Variants in FER observed in about 807,000 individuals in gnomAD.
FER encodes the protein FER tyrosine kinase.
Under a neutral mutation model 111.0 loss-of-function variants are expected in FER, and 63 were observed. That is an observed-to-expected ratio of 0.57 (90% CI 0.46 to 0.70). The LOEUF (loss-of-function observed/expected upper bound fraction) is 0.70. Among genes scored for constraint, FER ranks in the 30% least tolerant of loss-of-function variants. FER has a pLI of 0.00. For synonymous variants in FER, 327 were observed against 313.9 expected, an observed-to-expected ratio of 1.04 and a Z score of -0.44; for missense variants, 914 against 954.0, an observed-to-expected ratio of 0.96 and a Z score of 0.55.
At chr5:109,046,532 GA>G (rs2149909385) in intron 15 of FER, among the ~76,000 whole-genome samples, 2 of 152,142 alleles carry the variant, frequency 1.3e-5, no homozygotes, top group East Asian at 3.9e-4. Context: ...ATTTTTAAAA[GA>G]ATATTAAATT....
chr5:108,807,003 G>A (rs1757277174), intron 3 of FER, among the ~76,000 whole-genome samples: 1 of 152,118 alleles, frequency 6.6e-6, no homozygotes, highest in South Asian at 2.1e-4. Context: ...ATCTCATATT[G>A]AATTTTAACT....
chr5:108,940,491 G>A (rs920377818), intron 10 of FER, among the ~76,000 whole-genome samples: 1 of 152,042 alleles, frequency 6.6e-6, no homozygotes, highest in Non-Finnish European at 1.5e-5. Context: ...AAGGACAGAA[G>A]TAAACCTAAA....
At chr5:109,021,462 C>T (rs531459924) in intron 13 of FER, among the ~76,000 whole-genome samples, 1 of 151,958 alleles carries the variant, frequency 6.6e-6, no homozygotes, top group Non-Finnish European at 1.5e-5. Flanking sequence ...TTGCTTTTTT[C>T]ATTTTTAGTA....
intron 3 of FER, among the ~76,000 whole-genome samples, chr5:108,812,968 A>C: frequency 6.6e-6 from 1 of 152,248 alleles, no homozygotes; most frequent in Non-Finnish European, 1.5e-5. Flanking sequence ...TTAAATAATA[A>C]GTACATAATT....
chr5:109,121,602 C>T (rs1005443799), intron 17 of FER, among the ~76,000 whole-genome samples: 1 of 152,028 alleles, frequency 6.6e-6, no homozygotes, highest in South Asian at 2.1e-4. Context: ...TAATAGTGGC[C>T]TCATGGAATG....
At position 109,179,886 on chromosome 5, in the gene FER, T is replaced by C. The variant is rs149121657; in HGVS notation, c.2049-861T>C. Among the ~76,000 whole-genome samples, 10 of 152,224 alleles carry C rather than the reference T, an allele frequency of 6.6e-5. No homozygotes were observed. In the East Asian group the frequency reaches 1.9e-3, roughly 29 times the overall value. On this transcript the variant is annotated intron_variant, in intron 17 of 19. Coordinates refer to ENST00000281092, the MANE Select transcript of FER (RefSeq NM_005246.4). ...AGGGATGGCTGTATATGAATTTGGT[T>C]ATTGAATGTCCTCCCCACCAGAAAT...
chr5:109,046,681 G>A (rs911765021), intron 15 of FER, among the ~76,000 whole-genome samples: 4 of 152,074 alleles, frequency 2.6e-5, no homozygotes, highest in Admixed American at 6.6e-5. Flanking sequence ...AAATGTTGAT[G>A]ATTGCATCTG....
At chr5:108,765,582 A>C (rs1293597653) in intron 1 of FER, among the ~76,000 whole-genome samples, 2 of 152,126 alleles carry the variant, frequency 1.3e-5, no homozygotes, top group Non-Finnish European at 2.9e-5. Flanking sequence ...TTTCCTGAGC[A>C]AGATACTTGA....
At chr5:109,081,102 T>C (rs1776937255) in intron 16 of FER, among the ~76,000 whole-genome samples, 1 of 152,098 alleles carries the variant, frequency 6.6e-6, no homozygotes, top group South Asian at 2.1e-4. Flanking sequence ...CATTCTAACC[T>C]CATCTCTTTA....
intron 10 of FER, among the ~76,000 whole-genome samples, chr5:108,925,705 A>G (rs1753643209): frequency 6.6e-6 from 1 of 152,126 alleles, no homozygotes; most frequent in South Asian, 2.1e-4. Flanking sequence ...TGAAATACAT[A>G]CACGATTCTT....
intron 6 of FER, among the ~76,000 whole-genome samples, chr5:108,868,792 G>T (rs957730173): frequency 1.1e-4 from 17 of 152,040 alleles, no homozygotes; most frequent in Non-Finnish European, 1.8e-4. Flanking sequence ...TTTAATGCAG[G>T]TTCTTGCATT....
intron 3 of FER, among the ~76,000 whole-genome samples, chr5:108,822,762 T>A (rs200282138): frequency 3.4e-4 from 24 of 71,166 alleles, no homozygotes; most frequent in East Asian, 1.3e-3. Flanking sequence ...TATTTTATTT[T>A]ATTTATTTTA....
chr5:108,879,000 C>T (rs1765372909), intron 8 of FER, among the ~76,000 whole-genome samples: 1 of 152,008 alleles, frequency 6.6e-6, no homozygotes, highest in Non-Finnish European at 1.5e-5. Flanking sequence ...AACCTCTCTG[C>T]TTCAGTTCTT....
intron 13 of FER, among the ~76,000 whole-genome samples, chr5:108,963,547 G>A (rs1042683578): frequency 3.3e-5 from 5 of 152,164 alleles, no homozygotes; most frequent in Non-Finnish European, 7.3e-5. Context: ...GGGCAACAGA[G>A]TGAAACTCCA....
chr5:108,990,867 A>G (rs1354676543), intron 13 of FER, among the ~76,000 whole-genome samples: 3 of 151,820 alleles, frequency 2.0e-5, no homozygotes, highest in Admixed American at 6.6e-5. Context: ...CTAGATTTAC[A>G]TCCATGATTT....
At chr5:108,760,116 G>A (rs1300931125) in intron 1 of FER, among the ~76,000 whole-genome samples, 1 of 151,350 alleles carries the variant, frequency 6.6e-6, no homozygotes, top group African/African-American at 2.4e-5. Flanking sequence ...GGGTGACCAG[G>A]TGCATTGTTG....
At chr5:108,801,071 C>G (rs1262741811) in intron 3 of FER, among the ~76,000 whole-genome samples, 4 of 152,136 alleles carry the variant, frequency 2.6e-5, no homozygotes, top group Non-Finnish European at 5.9e-5. Context: ...TTGCCTGATG[C>G]AAAGTTAAAG....
intron 10 of FER, among the ~76,000 whole-genome samples, chr5:108,919,002 G>A (rs1463689515): frequency 6.6e-6 from 1 of 152,166 alleles, no homozygotes; most frequent in Non-Finnish European, 1.5e-5. Context: ...AAATTTTGAA[G>A]CTGTATTTTA....
chr5:108,975,955 A>G (rs1048527496), intron 13 of FER, among the ~76,000 whole-genome samples: 3 of 152,166 alleles, frequency 2.0e-5, no homozygotes, highest in African/African-American at 4.8e-5. Flanking sequence ...AGTTTTACAT[A>G]TATGTGACAT....
Sources: allele counts gnomAD v4.1 joint callset (sites outside exome capture counted in the v4.1 genomes callset), GRCh38; gene constraint gnomAD v4.1.1; transcripts MANE v1.5; gene names NCBI Gene and HGNC (gene_info 2026-07-23, HGNC 2026-07-21).